Variants in KCNT2 observed in about 807,000 individuals in gnomAD.
KCNT2 encodes the protein potassium channel subfamily T member 2.
A neutral mutation model predicts 153.8 loss-of-function variants in KCNT2; 67 were observed. The ratio of observed to expected loss-of-function variants is 0.44; its 90% CI spans 0.36 to 0.53. The LOEUF is 0.53. Among genes scored for constraint, KCNT2 ranks in the 20% least tolerant of loss-of-function variants. KCNT2 has a pLI of 0.00. For missense variants in KCNT2, 975 were observed against 1,354.8 expected (o/e 0.72, Z 4.40); for synonymous variants, 500 against 458.8 (o/e 1.09, Z -1.15).
chr1:196,452,548 G>A (rs777740140), intron 8 of KCNT2, among the ~76,000 whole-genome samples: 5 of 151,728 alleles, frequency 3.3e-5, no homozygotes, highest in Non-Finnish European at 7.4e-5. Flanking sequence ...AGCTTTTTAC[G>A]GCTCAGCTAT....
intron 9 of KCNT2, among the ~76,000 whole-genome samples, chr1:196,429,363 C>T (rs1273752090): frequency 6.6e-6 from 1 of 151,364 alleles, no homozygotes; most frequent in African/African-American, 2.4e-5. Flanking sequence ...TGCTGTCAGT[C>T]ATGACTGGAA....
At chr1:196,316,531 A>G (rs1662741306) in intron 20 of KCNT2, among the ~76,000 whole-genome samples, 1 of 151,668 alleles carries the variant, frequency 6.6e-6, no homozygotes, top group African/African-American at 2.4e-5. Flanking sequence ...TCCTTTATGT[A>G]AGACCTATGT....
chr1:196,349,976 C>T (rs989613104), intron 14 of KCNT2, among the ~76,000 whole-genome samples: 13 of 151,994 alleles, frequency 8.6e-5, no homozygotes, highest in African/African-American at 2.4e-4. Context: ...TTTGTCCTTG[C>T]GATAGTTTAC....
intron 8 of KCNT2, among the ~76,000 whole-genome samples, chr1:196,443,724 C>A (rs1675442800): frequency 1.3e-5 from 2 of 151,528 alleles, no homozygotes; most frequent in South Asian, 4.1e-4. Flanking sequence ...CAGAGGCAAA[C>A]AAACAATATT....
At chr1:196,387,935 T>C (rs997913060) in intron 13 of KCNT2, among the ~76,000 whole-genome samples, 105 of 151,722 alleles carry the variant, frequency 6.9e-4, no homozygotes, top group Admixed American at 1.1e-3. Context: ...TTTTCTTTTT[T>C]TTTTTTTTCT....
At position 196,489,888 on chromosome 1, in the gene KCNT2, T is replaced by A. The variant is rs1558001201; in HGVS notation, c.225A>T (p.Leu75Phe). Residue 75 changes from leucine to phenylalanine, a missense_variant, in exon 3 of 28, where the codon TTA (leucine) becomes TTT (phenylalanine). Physicochemically the swap from Leu to Phe is conservative, Grantham distance 22. Coordinates refer to ENST00000294725, the MANE Select transcript of KCNT2 (RefSeq NM_198503.5). Reference sequence around the variant, plus strand: ...CTAGTAGTACTCGGATTATGTATAATAAGCAGCTTAGTAATTTGAGAGAAA... The same window carrying A: ...CTAGTAGTACTCGGATTATGTATAAAAAGCAGCTTAGTAATTTGAGAGAAA... ...FNFSLKLLSC[L>F]LYIIRVLLEN... The A allele has an allele frequency of 6.3e-7, 1 of 1,593,034 alleles. No homozygotes were observed.
intron 1 of KCNT2, among the ~76,000 whole-genome samples, chr1:196,560,642 T>G (rs1659255145): frequency 6.6e-6 from 1 of 151,884 alleles, no homozygotes; most frequent in South Asian, 2.1e-4. Context: ...CTAACTTTAG[T>G]GGGCACCTTG....
At chr1:196,274,750 A>G (rs1157541550) in intron 25 of KCNT2, among the ~76,000 whole-genome samples, 1 of 151,862 alleles carries the variant, frequency 6.6e-6, no homozygotes, top group Non-Finnish European at 1.5e-5. Context: ...ACTATAAATT[A>G]TGTTGGTATA....
chr1:196,526,377 C>T lies in KCNT2; in HGVS notation c.96-34036G>A, dbSNP rs527414677. 1.8e-3 allele frequency among the ~76,000 whole-genome samples: 269 copies of T among 150,926 alleles called. 1 individual carries two copies. Among genetic ancestry groups the T allele is most frequent in the Middle Eastern group, 3.6e-3 (1 of 278 alleles). ...ATGTTATATGTTACATTATTGTATA[C>T]ATAAATTATACATATATAATTTACA... On this transcript the variant is annotated intron_variant, in intron 1 of 27. Transcript: ENST00000294725.
intron 5 of KCNT2, among the ~76,000 whole-genome samples, chr1:196,471,426 A>ACT (rs1295260229): frequency 6.6e-6 from 1 of 152,094 alleles, no homozygotes; most frequent in Admixed American, 6.5e-5. Flanking sequence ...TTTTTTTTTA[A>ACT]TTGTGCAGGT....
At chr1:196,431,011 C>A (rs551476780) in intron 8 of KCNT2, among the ~76,000 whole-genome samples, 2 of 152,106 alleles carry the variant, frequency 1.3e-5, no homozygotes, top group African/African-American at 4.8e-5. Flanking sequence ...ATGGAATTAG[C>A]AATCTTATAA....
intron 25 of KCNT2, among the ~76,000 whole-genome samples, chr1:196,270,535 C>T (rs1036402296): frequency 2.6e-5 from 4 of 152,104 alleles, no homozygotes; most frequent in Non-Finnish European, 5.9e-5. Context: ...CAAACAAAAT[C>T]AACAAAGAGA....
At chr1:196,256,283 A>C (rs1027488584) in intron 26 of KCNT2, among the ~76,000 whole-genome samples, 6 of 151,970 alleles carry the variant, frequency 3.9e-5, no homozygotes, top group Admixed American at 2.0e-4. Flanking sequence ...TACTCCCCCC[A>C]AAAAAGCTAA....
At chr1:196,353,627 G>A (rs1014811361) in intron 14 of KCNT2, among the ~76,000 whole-genome samples, 6 of 151,898 alleles carry the variant, frequency 4.0e-5, no homozygotes, top group African/African-American at 1.4e-4. Flanking sequence ...AACACGAGTT[G>A]CATATTTCTC....
At chr1:196,236,642 T>G (rs895669230) in intron 26 of KCNT2, among the ~76,000 whole-genome samples, 29 of 151,700 alleles carry the variant, frequency 1.9e-4, no homozygotes, top group African/African-American at 6.7e-4. Flanking sequence ...AATTTAACCA[T>G]GAATTTTAAG....
chr1:196,278,029 T>C (rs143868302), intron 25 of KCNT2, among the ~76,000 whole-genome samples: 1,657 of 152,260 alleles, frequency 0.011, 7 homozygotes, highest in Non-Finnish European at 0.017. Context: ...CTCATCATGG[T>C]ATCTAAAATC....
At chr1:196,553,961 A>G (rs1658296275) in intron 1 of KCNT2, among the ~76,000 whole-genome samples, 1 of 151,304 alleles carries the variant, frequency 6.6e-6, no homozygotes, top group Admixed American at 6.6e-5. Context: ...ACCAAAACCC[A>G]TAGGATACAG....
At chr1:196,537,602 G>A (rs1655759091) in intron 1 of KCNT2, among the ~76,000 whole-genome samples, 1 of 152,134 alleles carries the variant, frequency 6.6e-6, no homozygotes, top group Admixed American at 6.5e-5. Context: ...AAACAGAAAA[G>A]GCTTTACACC....
At chr1:196,295,163 T>C (rs1037949443) in intron 22 of KCNT2, among the ~76,000 whole-genome samples, 2 of 151,564 alleles carry the variant, frequency 1.3e-5, no homozygotes, top group Admixed American at 1.3e-4. Context: ...TATGTGTATA[T>C]ATATAAATGT....
Sources: allele counts gnomAD v4.1 joint callset (sites outside exome capture counted in the v4.1 genomes callset), GRCh38; gene constraint gnomAD v4.1.1; transcripts MANE v1.5; gene names NCBI Gene and HGNC (gene_info 2026-07-23, HGNC 2026-07-21).